Variants in NTM observed in about 807,000 individuals in gnomAD.
NTM encodes the protein IgLON family member 2.
Under a neutral mutation model 42.1 loss-of-function variants are expected in NTM, and 13 were observed. The ratio of observed to expected loss-of-function variants is 0.31; its 90% CI spans 0.20 to 0.49. The LOEUF (loss-of-function observed/expected upper bound fraction) is 0.49, where lower values mean the gene tolerates loss of function less well. Among genes scored for constraint, NTM ranks in the 20% least tolerant of loss-of-function variants. The probability of loss-of-function intolerance (pLI) is 0.99; values close to 1 mark genes in which losing one functional copy is unlikely to be tolerated. For missense variants in NTM, 373 were observed against 452.8 expected, an observed-to-expected ratio of 0.82 and a Z score of 1.60; for synonymous variants, 187 against 179.2, an observed-to-expected ratio of 1.04 and a Z score of -0.35.
chr11:132,188,684 C>T (rs1029992149), intron 3 of NTM, among the ~76,000 whole-genome samples: 3 of 152,104 alleles, frequency 2.0e-5, no homozygotes, highest in Non-Finnish European at 4.4e-5. Context: ...CAAACAGTTC[C>T]CCATGAGGGT....
chr11:131,543,710 C>T (rs888666195), intron 1 of NTM, among the ~76,000 whole-genome samples: 10 of 152,170 alleles, frequency 6.6e-5, no homozygotes, highest in Non-Finnish European at 8.8e-5. Context: ...AGCACAGGTT[C>T]GAGCGCTCTC....
intron 1 of NTM, among the ~76,000 whole-genome samples, chr11:131,473,501 G>A (rs1305770476): frequency 2.6e-5 from 4 of 152,136 alleles, no homozygotes; most frequent in African/African-American, 9.7e-5. Flanking sequence ...CACACGTAAA[G>A]ATAGCTTTTC....
chr11:131,865,197 A>G (rs139636675), intron 1 of NTM, among the ~76,000 whole-genome samples: 1 of 152,356 alleles, frequency 6.6e-6, no homozygotes, highest in African/African-American at 2.4e-5. Flanking sequence ...AAGATCGAGT[A>G]GCCTACCCCT....
At chr11:131,906,344 T>C (rs1161513478) in intron 1 of NTM, among the ~76,000 whole-genome samples, 2 of 152,122 alleles carry the variant, frequency 1.3e-5, no homozygotes, top group Non-Finnish European at 2.9e-5. Flanking sequence ...AACCCTGCTG[T>C]AGGAGTCAGG....
intron 2 of NTM, among the ~76,000 whole-genome samples, chr11:132,022,682 C>A (rs143323210): frequency 1.5e-4 from 23 of 152,322 alleles, no homozygotes; most frequent in African/African-American, 4.8e-4. Context: ...CCTGGTTAAA[C>A]TCAGGGGAAA....
At chr11:131,757,343 C>T (rs2083470529) in intron 1 of NTM, among the ~76,000 whole-genome samples, 1 of 152,218 alleles carries the variant, frequency 6.6e-6, no homozygotes, top group Non-Finnish European at 1.5e-5. Flanking sequence ...AACCAATTCT[C>T]TTACCAAATT....
intron 2 of NTM, among the ~76,000 whole-genome samples, chr11:131,938,733 T>C (rs1593026670): frequency 6.6e-6 from 1 of 151,652 alleles, no homozygotes; most frequent in African/African-American, 2.4e-5. Context: ...TGGAAGGAGG[T>C]GTGGCAGTGA....
At chr11:131,783,046 G>A (rs2088470449) in intron 1 of NTM, among the ~76,000 whole-genome samples, 1 of 150,236 alleles carries the variant, frequency 6.7e-6, no homozygotes, top group Admixed American at 6.6e-5. Context: ...TAAATTCTCT[G>A]AATTTATGAG....
chr11:131,890,350 A>G, intron 1 of NTM, among the ~76,000 whole-genome samples: 1 of 152,156 alleles, frequency 6.6e-6, no homozygotes, highest in East Asian at 1.9e-4. Flanking sequence ...CTTAAATGTG[A>G]AGTCTGCTCA....
chr11:132,195,752 T>C (rs1475245186), intron 3 of NTM, among the ~76,000 whole-genome samples: 1 of 152,218 alleles, frequency 6.6e-6, no homozygotes, highest in Non-Finnish European at 1.5e-5. Context: ...TGGCTAGCCT[T>C]ATGCAGAAGA....
chr11:132,250,522 A>G (rs778973544), intron 4 of NTM, among the ~76,000 whole-genome samples: 2 of 151,632 alleles, frequency 1.3e-5, no homozygotes, highest in African/African-American at 4.8e-5. Flanking sequence ...AAATGTAGAC[A>G]AGACCCCTCC....
chr11:132,218,115 C>G (rs965565755), intron 4 of NTM, among the ~76,000 whole-genome samples: 1 of 152,078 alleles, frequency 6.6e-6, no homozygotes, highest in Non-Finnish European at 1.5e-5. Flanking sequence ...CCTGTCAGCA[C>G]CAGCATCCGG....
intron 2 of NTM, among the ~76,000 whole-genome samples, chr11:132,065,878 A>T (rs572649766): frequency 6.6e-6 from 1 of 152,226 alleles, no homozygotes; most frequent in Non-Finnish European, 1.5e-5. Context: ...GAGCACGTGG[A>T]CTTGCTTCAT....
intron 1 of NTM, among the ~76,000 whole-genome samples, chr11:131,664,569 C>A (rs959212164): frequency 2.0e-5 from 3 of 152,116 alleles, no homozygotes; most frequent in Non-Finnish European, 4.4e-5. Flanking sequence ...AGCTGTCTAT[C>A]CCCAGTGCCA....
At chr11:131,440,598 A>T (rs945602604) in intron 1 of NTM, among the ~76,000 whole-genome samples, 1 of 151,952 alleles carries the variant, frequency 6.6e-6, no homozygotes, top group Non-Finnish European at 1.5e-5. Flanking sequence ...ATGGCCCCTG[A>T]AAGTGCATCT....
At chr11:131,489,092 C>A (rs960524612) in intron 1 of NTM, among the ~76,000 whole-genome samples, 5 of 152,178 alleles carry the variant, frequency 3.3e-5, no homozygotes, top group Admixed American at 2.0e-4. Flanking sequence ...GCAGGTGGAC[C>A]TTCCTCCGTG....
At chr11:131,909,110 C>T (rs2054302896) in intron 1 of NTM, among the ~76,000 whole-genome samples, 1 of 152,310 alleles carries the variant, frequency 6.6e-6, no homozygotes, top group African/African-American at 2.4e-5. Context: ...TTGAGATATT[C>T]ACTGTAAAGT....
At chr11:132,274,749 G>C (rs140617683) in intron 4 of NTM, among the ~76,000 whole-genome samples, 10 of 152,210 alleles carry the variant, frequency 6.6e-5, no homozygotes, top group African/African-American at 2.2e-4. Context: ...ACTTGAGAAG[G>C]ATGTTTATTG....
intron 1 of NTM, among the ~76,000 whole-genome samples, chr11:131,454,773 G>A (rs1450537607): frequency 2.1e-5 from 3 of 144,416 alleles, no homozygotes; most frequent in African/African-American, 7.4e-5. Flanking sequence ...ATCCTGATCT[G>A]TGGACATCCT....
Sources: allele counts gnomAD v4.1 joint callset (sites outside exome capture counted in the v4.1 genomes callset), GRCh38; gene constraint gnomAD v4.1.1; transcripts MANE v1.5; gene names NCBI Gene and HGNC (gene_info 2026-07-23, HGNC 2026-07-21).